Variants in ATG3 observed in about 807,000 individuals in gnomAD.
ATG3 encodes the protein autophagy related 3.
In ATG3, 25 loss-of-function variants were observed where a neutral mutation model predicts 50.7. That is an observed-to-expected ratio of 0.49 (90% CI 0.36 to 0.69). The LOEUF (loss-of-function observed/expected upper bound fraction) is 0.69, where lower values mean the gene tolerates loss of function less well. Among genes scored for constraint, ATG3 ranks in the 30% least tolerant of loss-of-function variants. The probability of loss-of-function intolerance (pLI) is 0.00; values close to 1 mark genes in which losing one functional copy is unlikely to be tolerated. For missense variants in ATG3, 281 were observed against 376.0 expected, an observed-to-expected ratio of 0.75 and a Z score of 2.09; for synonymous variants, 119 against 125.5, an observed-to-expected ratio of 0.95 and a Z score of 0.34.
At chr3:112,537,668 TGAA>T (rs1228122570) in intron 9 of ATG3, 64 bp downstream of exon 9, 8 of 1,258,918 alleles carry the variant, frequency 6.4e-6, no homozygotes, top group African/African-American at 4.6e-5. Flanking sequence ...ATGGACCTAA[TGAA>T]GAAGAAATTA....
At chr3:112,547,562 T>C (rs1012524395) in intron 5 of ATG3, among the ~76,000 whole-genome samples, 1 of 152,236 alleles carries the variant, frequency 6.6e-6, no homozygotes, top group Admixed American at 6.5e-5. Context: ...CAGCAGCATA[T>C]GATAATATGC....
At chr3:112,554,738 C>A (rs1322041815) in intron 2 of ATG3, among the ~76,000 whole-genome samples, 2 of 152,124 alleles carry the variant, frequency 1.3e-5, no homozygotes, top group Non-Finnish European at 2.9e-5. Context: ...ATCTCTAATA[C>A]CTTTGAGAAA....
rs145331582 is a variant in ATG3, at chr3:112,559,741, C to T, written c.73-1324G>A. ...CAGAATAATAAAGAGATCAGGTTAG[C>T]TTAAGCAACAGCAGTCAGGGGATGG... On this transcript the variant is annotated intron_variant, in intron 1 of 11. Coordinates refer to ENST00000283290, the MANE Select transcript of ATG3 (RefSeq NM_022488.5). Among the ~76,000 whole-genome samples the T allele has an allele frequency of 1.4e-3, 215 of 152,318 alleles. 2 individuals carry two copies. The highest frequency in any genetic ancestry group is 5.0e-3 in the African/African-American group (207 of 41,564).
At chr3:112,533,612 A>G (rs2082571528) in intron 11 of ATG3, 1 of 985,384 alleles carries the variant, frequency 1.0e-6, no homozygotes, top group Non-Finnish European at 1.2e-6. Context: ...TTAACCTAGC[A>G]TCAAACTAAT....
At chr3:112,549,534 C>T (rs556144326) in intron 4 of ATG3, among the ~76,000 whole-genome samples, 9 of 152,106 alleles carry the variant, frequency 5.9e-5, no homozygotes, top group South Asian at 2.1e-4. Flanking sequence ...TTCAGCCAGG[C>T]GCGGTGGCTC....
chr3:112,557,474 T>C (rs1255405516), intron 2 of ATG3, among the ~76,000 whole-genome samples: 1 of 152,142 alleles, frequency 6.6e-6, no homozygotes, highest in Non-Finnish European at 1.5e-5. Context: ...AAAACTTAGC[T>C]GGGCGTGGTG....
intron 5 of ATG3, among the ~76,000 whole-genome samples, chr3:112,547,949 G>C (rs566325094): frequency 1.3e-5 from 2 of 152,218 alleles, no homozygotes; most frequent in Non-Finnish European, 2.9e-5. Context: ...GTAAAGCAAA[G>C]TAGTATGCAT....
intron 9 of ATG3, 50 bp downstream of exon 9, chr3:112,537,685 C>T (rs1933107520): frequency 1.4e-6 from 2 of 1,391,614 alleles, no homozygotes; most frequent in Admixed American, 2.5e-5. Flanking sequence ...GAAATTAAAA[C>T]CCAACAATTT....
chr3:112,555,641 A>C (rs1287686457), intron 2 of ATG3, among the ~76,000 whole-genome samples: 1 of 152,248 alleles, frequency 6.6e-6, no homozygotes, highest in African/African-American at 2.4e-5. Context: ...AGAAACTCAG[A>C]AACAGCAAGA....
Position 112,532,609 on chromosome 3 carries a change from A to C in ATG3, c.*90T>G. Reference sequence around the variant, plus strand: ...AAGTCCCTTATTAGAGAAACTGTATATATTGATGAATATGGTCAATGGTCA... The same window carrying C: ...AAGTCCCTTATTAGAGAAACTGTATCTATTGATGAATATGGTCAATGGTCA... On this transcript the variant is annotated 3_prime_UTR_variant, in exon 12 of 12. Coordinates refer to ENST00000283290, the MANE Select transcript of ATG3 (RefSeq NM_022488.5). 1 of 936,364 alleles carries C rather than the reference A, an allele frequency of 1.1e-6. No homozygotes were observed. The highest frequency in any genetic ancestry group is 2.5e-5 in the South Asian group (1 of 39,838). The allele number at this position is 936,364 out of a possible 1,614,324, so 58.0% of individuals were successfully genotyped here.
At chr3:112,556,230 GA>G (rs143257794) in intron 2 of ATG3, among the ~76,000 whole-genome samples, 1,636 of 152,382 alleles carry the variant, frequency 0.011, 10 homozygotes, top group Non-Finnish European at 0.019. Context: ...CCTCGGCAGG[GA>G]TAGTTTAACT....
chr3:112,546,318 G>A (rs932463962), intron 5 of ATG3, among the ~76,000 whole-genome samples: 5 of 152,050 alleles, frequency 3.3e-5, no homozygotes, highest in Non-Finnish European at 7.4e-5. Flanking sequence ...CATGACAGTC[G>A]ACCTGATAAT....
intron 10 of ATG3, chr3:112,534,559 A>C (rs892577666): frequency 2.0e-4 from 53 of 265,006 alleles, no homozygotes; most frequent in Non-Finnish European, 2.8e-5. Flanking sequence ...GAAACACAAA[A>C]GATAACAGAT....
intron 9 of ATG3, chr3:112,537,491 C>T: frequency 3.4e-6 from 1 of 297,460 alleles, no homozygotes; most frequent in South Asian, 1.3e-4. Flanking sequence ...AGGCATAAGC[C>T]TTCAAAAAAG....
In ATG3 at chr3:112,541,741, A is replaced by C. The variant is rs1933234114; in HGVS notation, c.475+62T>G. The stretch of plus-strand genomic sequence containing the variant: ...TCAATGAAGAATTCTTAATCCACAT[A>C]AATTACAAATATTCTAAATCAATAT... On this transcript the variant is annotated intron_variant, in intron 7 of 11. Coordinates refer to ENST00000283290, the MANE Select transcript of ATG3 (RefSeq NM_022488.5). 3 of 1,398,834 alleles carry C rather than the reference A, an allele frequency of 2.1e-6. No homozygotes were observed. The East Asian group carries it at 6.9e-5, about 32-fold the overall frequency. The allele number at this position is 1,398,834 out of a possible 1,614,324, so 86.7% of individuals were successfully genotyped here. A position where few individuals can be genotyped will look rare whatever the true frequency, so the allele number is the denominator to read the frequency against.
chr3:112,541,573 T>C (rs946892673), intron 7 of ATG3, among the ~76,000 whole-genome samples: 4 of 152,228 alleles, frequency 2.6e-5, no homozygotes, highest in Admixed American at 6.5e-5. Flanking sequence ...CTAATAGTTA[T>C]TCCAATAAAA....
At chr3:112,558,307 A>C (rs763325982) in intron 2 of ATG3, 69 bp downstream of exon 2, 15 of 1,150,480 alleles carry the variant, frequency 1.3e-5, no homozygotes, top group Non-Finnish European at 1.9e-5. Context: ...TTTTCTTATG[A>C]AGCAGAAAAG....
At chr3:112,550,021 C>A (rs1259915078) in intron 4 of ATG3, among the ~76,000 whole-genome samples, 171 bp downstream of exon 4, 2 of 152,036 alleles carry the variant, frequency 1.3e-5, no homozygotes, top group African/African-American at 4.8e-5. Flanking sequence ...TCTAACTTTC[C>A]TTAGGGCCCT....
intron 5 of ATG3, among the ~76,000 whole-genome samples, chr3:112,544,848 T>C (rs983425100): frequency 6.6e-6 from 1 of 152,084 alleles, no homozygotes; most frequent in African/African-American, 2.4e-5. Context: ...TTTGCATAAA[T>C]ACTTACTGGT....
Sources: gnomAD v4.1 joint callset for allele counts (sites outside exome capture counted in the v4.1 genomes callset) on GRCh38, gnomAD v4.1.1 for gene constraint, MANE v1.5 for transcripts, NCBI Gene and HGNC (gene_info 2026-07-23, HGNC 2026-07-21) for gene names.